The following EYA1 variants were observed in gnomAD, a reference collection of about 807,000 sequenced individuals.
EYA1 encodes EYA transcriptional coactivator and phosphatase 1.
In EYA1, 16 loss-of-function variants were observed where a neutral mutation model predicts 82.0. The ratio of observed to expected loss-of-function variants is 0.20; its 90% CI spans 0.13 to 0.30. EYA1 has a LOEUF of 0.30. Ranked by LOEUF, EYA1 falls within the 10% of genes least tolerant of loss-of-function variation. The pLI is 1.00. For missense variants in EYA1, 633 were observed against 730.7 expected (o/e 0.87, Z 1.54); for synonymous variants, 261 against 264.4 (o/e 0.99, Z 0.12).
chr8:71,436,075 A>G (rs1805989017), intron 2 of EYA1, among the ~76,000 whole-genome samples: 1 of 152,170 alleles, frequency 6.6e-6, no homozygotes, highest in South Asian at 2.1e-4. Context: ...ACATGAACCT[A>G]TAGAGCTACA....
In EYA1 at chr8:71,515,166, T is replaced by C. The variant is rs185946600; in HGVS notation, c.33+20578A>G. Among the ~76,000 whole-genome samples the C allele has an allele frequency of 3.3e-5, 5 of 152,254 alleles. No homozygotes were observed. The East Asian group carries it at 7.7e-4, about 24-fold the overall frequency. On this transcript the variant is annotated intron_variant, in intron 2 of 18. Transcript: ENST00000643681. Reference sequence around the variant, plus strand: ...CAGTGTTAGTTGAGTAGCTACCATATGTCAAGCACTGTCTCATGTATTTCT... The same window carrying C: ...CAGTGTTAGTTGAGTAGCTACCATACGTCAAGCACTGTCTCATGTATTTCT...
chr8:71,383,269 G>A (rs1007771038), intron 2 of EYA1, among the ~76,000 whole-genome samples: 5 of 151,952 alleles, frequency 3.3e-5, no homozygotes, highest in African/African-American at 9.7e-5. Context: ...GTGTAAAAAG[G>A]TATACTTTTG....
intron 7 of EYA1, among the ~76,000 whole-genome samples, chr8:71,315,226 TAA>T (rs764231098): frequency 5.3e-4 from 80 of 152,364 alleles, no homozygotes; most frequent in Admixed American, 2.3e-3. Context: ...AGAGACAGTA[TAA>T]GTCTCATTTT....
At chr8:71,269,669 T>C in intron 11 of EYA1, 71 bp downstream of exon 11, 1 of 1,090,636 alleles carries the variant, frequency 9.2e-7, no homozygotes. Flanking sequence ...ATTACATTCA[T>C]TTGGATAATA....
chr8:71,318,579 A>G (rs1176155994), intron 6 of EYA1, among the ~76,000 whole-genome samples: 1 of 152,190 alleles, frequency 6.6e-6, no homozygotes, highest in Non-Finnish European at 1.5e-5. Flanking sequence ...ATTAATTACA[A>G]TTAAAGACAG....
intron 2 of EYA1, among the ~76,000 whole-genome samples, chr8:71,528,756 C>T (rs949600016): frequency 6.6e-5 from 10 of 152,226 alleles, no homozygotes; most frequent in African/African-American, 2.2e-4. Context: ...AATCTGCGCT[C>T]TCATTCACGG....
rs896608427 is a variant in EYA1 at position 71,199,094 on chromosome 8, C to T, written c.*246G>A. ...TGTAGTTAATGTGGCAGACACATAA[C>T]GCTGTGCTAAAACATTCTCATGGCT... On this transcript the variant is annotated 3_prime_UTR_variant, in exon 18 of 18. Coordinates refer to ENST00000340726, the MANE Select transcript of EYA1 (RefSeq NM_000503.6). 21 of 568,100 alleles carry T rather than the reference C, an allele frequency of 3.7e-5. No individual in the cohort carries two copies. Among genetic ancestry groups the T allele is most frequent in the African/African-American group, 3.2e-4 (17 of 53,836 alleles). 35.2% of individuals were successfully genotyped at this position (568,100 alleles called of 1,614,324 possible). A position where few individuals can be genotyped will look rare whatever the true frequency, so the allele number is the denominator to read the frequency against.
intron 17 of EYA1, among the ~76,000 whole-genome samples, chr8:71,201,602 A>T (rs1241819855): frequency 7.2e-5 from 11 of 152,194 alleles, no homozygotes; most frequent in Admixed American, 7.2e-4. Context: ...TTCTTATCCT[A>T]CTACACAAAG....
At chr8:71,508,512 G>A (rs1434298194) in intron 2 of EYA1, among the ~76,000 whole-genome samples, 1 of 152,154 alleles carries the variant, frequency 6.6e-6, no homozygotes, top group Non-Finnish European at 1.5e-5. Flanking sequence ...CAAAATTCCT[G>A]TTGAAACCTA....
chr8:71,478,334 T>C (rs532618296), intron 2 of EYA1, among the ~76,000 whole-genome samples: 1 of 152,252 alleles, frequency 6.6e-6, no homozygotes, highest in African/African-American at 2.4e-5. Flanking sequence ...CATTGTTTGG[T>C]ATAAATGTAC....
chr8:71,501,104 TA>T lies in EYA1; in HGVS notation c.33+34639del, dbSNP rs561438332. Among the ~76,000 whole-genome samples the T allele has an allele frequency of 4.6e-5, 7 of 152,342 alleles. No homozygotes were observed. The South Asian group carries it at 1.4e-3, about 32-fold the overall frequency. On this transcript the variant is annotated intron_variant, in intron 2 of 18. Coordinates refer to the EYA1 transcript ENST00000643681. Reference sequence around the variant, plus strand: ...ATACTGCCATTACATTCTATTAGCATACTAGAATAAATTTATCATATTAACC... The same window carrying T: ...ATACTGCCATTACATTCTATTAGCATCTAGAATAAATTTATCATATTAACC...
At chr8:71,291,169 C>G (rs527347437) in intron 9 of EYA1, among the ~76,000 whole-genome samples, 3 of 152,100 alleles carry the variant, frequency 2.0e-5, no homozygotes, top group African/African-American at 7.2e-5. Context: ...CAAGTACAGA[C>G]GAGACTCAAA....
chr8:71,307,658 T>C (rs1379369128), intron 7 of EYA1, among the ~76,000 whole-genome samples: 1 of 152,218 alleles, frequency 6.6e-6, no homozygotes, highest in Non-Finnish European at 1.5e-5. Context: ...AATAAAATTT[T>C]AAGTTGATTA....
intron 2 of EYA1, among the ~76,000 whole-genome samples, chr8:71,433,667 G>A (rs1334040657): frequency 6.6e-6 from 1 of 152,210 alleles, no homozygotes; most frequent in Non-Finnish European, 1.5e-5. Flanking sequence ...TAAAGGTCCT[G>A]AGTACGGGTG....
chr8:71,226,995 C>A (rs1296629693), intron 12 of EYA1, among the ~76,000 whole-genome samples: 2 of 151,912 alleles, frequency 1.3e-5, no homozygotes, highest in African/African-American at 2.4e-5. Context: ...CCACACAGGG[C>A]AATGCATTAG....
At chr8:71,345,814 T>C (rs1158086110) in intron 3 of EYA1, among the ~76,000 whole-genome samples, 1 of 152,140 alleles carries the variant, frequency 6.6e-6, no homozygotes, top group Non-Finnish European at 1.5e-5. Context: ...ACTCCCTAAG[T>C]GCATTTCTAA....
intron 2 of EYA1, among the ~76,000 whole-genome samples, chr8:71,417,526 A>G (rs1473729693): frequency 1.3e-5 from 2 of 152,182 alleles, no homozygotes; most frequent in East Asian, 3.8e-4. Flanking sequence ...GACAATTGCT[A>G]GTTGATGGAC....
At chr8:71,398,487 C>T (rs1039292221) in intron 2 of EYA1, among the ~76,000 whole-genome samples, 5 of 152,168 alleles carry the variant, frequency 3.3e-5, no homozygotes, top group Non-Finnish European at 7.3e-5. Context: ...GTGTGGATGT[C>T]CTTTCTGTTT....
chr8:71,209,985 A>G (rs1395089905), intron 17 of EYA1, among the ~76,000 whole-genome samples: 2 of 152,230 alleles, frequency 1.3e-5, no homozygotes, highest in East Asian at 3.8e-4. Context: ...CATTTGTTGT[A>G]CACTTTACAC....
Sources: allele counts gnomAD v4.1 joint callset (sites outside exome capture counted in the v4.1 genomes callset), GRCh38; gene constraint gnomAD v4.1.1; transcripts MANE v1.5; gene names NCBI Gene and HGNC (gene_info 2026-07-23, HGNC 2026-07-21).